Variants in PRKAR1B observed in about 807,000 individuals in gnomAD.
PRKAR1B encodes the protein protein kinase cAMP-dependent type I regulatory subunit beta, also known as cAMP-dependent protein kinase type I-beta regulatory subunit.
PRKAR1B carries 22 observed loss-of-function variants against 46.5 expected under a neutral mutation model. The observed-to-expected ratio is 0.47, with a 90% confidence interval of 0.34 to 0.68. PRKAR1B has a LOEUF of 0.68. Ranked by LOEUF, PRKAR1B falls within the 30% of genes least tolerant of loss-of-function variation. PRKAR1B has a pLI of 0.01. For missense variants in PRKAR1B, 445 were observed against 535.6 expected (o/e 0.83, Z 1.67); for synonymous variants, 259 against 217.7 (o/e 1.19, Z -1.67).
intron 9 of PRKAR1B, among the ~76,000 whole-genome samples, chr7:570,998 T>C (rs1257166078): frequency 6.6e-6 from 1 of 152,180 alleles, no homozygotes; most frequent in African/African-American, 2.4e-5. Context: ...AGGGCGTGTC[T>C]GCGGCCCACG....
chr7:620,562 C>A (rs796426902), intron 4 of PRKAR1B, among the ~76,000 whole-genome samples: 1 of 151,996 alleles, frequency 6.6e-6, no homozygotes, highest in African/African-American at 2.4e-5. Flanking sequence ...GGAAGGAATC[C>A]GTATTTTTAA....
intron 9 of PRKAR1B, among the ~76,000 whole-genome samples, chr7:557,443 A>G (rs1778516109): frequency 6.6e-6 from 1 of 152,192 alleles, no homozygotes; most frequent in African/African-American, 2.4e-5. Context: ...TCCCTAGCTG[A>G]TACACCACCC....
intron 4 of PRKAR1B, among the ~76,000 whole-genome samples, chr7:623,302 C>T (rs1285217931): frequency 2.6e-5 from 4 of 152,260 alleles, no homozygotes; most frequent in African/African-American, 9.6e-5. Context: ...CTCGGCCACA[C>T]TCTTGACTGT....
intron 2 of PRKAR1B, among the ~76,000 whole-genome samples, chr7:685,222 A>G (rs900092515): frequency 7.0e-6 from 1 of 143,640 alleles, no homozygotes; most frequent in Admixed American, 7.1e-5. Flanking sequence ...ATAACATGTT[A>G]TATATATATA....
chr7:681,914 C>T (rs934715392), intron 2 of PRKAR1B, among the ~76,000 whole-genome samples: 4 of 152,202 alleles, frequency 2.6e-5, no homozygotes, highest in Admixed American at 6.5e-5. Context: ...ACCTCCACCA[C>T]GCTCAAAGGT....
intron 4 of PRKAR1B, among the ~76,000 whole-genome samples, chr7:627,734 G>A (rs1337969924): frequency 5.9e-5 from 9 of 151,652 alleles, no homozygotes; most frequent in South Asian, 2.1e-4. Context: ...GCTCACGCCC[G>A]CCCTCCCCGG....
intron 4 of PRKAR1B, among the ~76,000 whole-genome samples, chr7:629,290 C>T (rs1481584529): frequency 1.6e-4 from 24 of 151,914 alleles, no homozygotes; most frequent in Non-Finnish European, 8.8e-5. Flanking sequence ...TCCCAGGGCG[C>T]CACCACCCCA....
At chr7:613,778 G>A (rs1351412721) in intron 4 of PRKAR1B, among the ~76,000 whole-genome samples, 2 of 152,142 alleles carry the variant, frequency 1.3e-5, no homozygotes, top group East Asian at 1.9e-4. Context: ...TCCTCCTCCC[G>A]CCGCTCCGGG....
At chr7:691,421 G>A (rs1287979236) in intron 2 of PRKAR1B, 3 of 1,139,522 alleles carry the variant, frequency 2.6e-6, no homozygotes, top group East Asian at 1.2e-4. Flanking sequence ...AGGGGTGCAG[G>A]AGGGTGGCTT....
chr7:594,527 G>A (rs1486329241), intron 7 of PRKAR1B, among the ~76,000 whole-genome samples: 1 of 152,176 alleles, frequency 6.6e-6, no homozygotes, highest in African/African-American at 2.4e-5. Flanking sequence ...ACAGAGTGGA[G>A]GGGTGCGGCC....
chr7:692,849 C>T lies in PRKAR1B; in HGVS notation c.178-12123G>A, dbSNP rs927369657. On this transcript the variant is annotated intron_variant, in intron 2 of 10. Transcript: ENST00000537384. ...ACAGGGAAGGGCAGGTTCTCAACCC[C>T]ATAGTAGGAAAACCTGGGGCTTCAT... 8.9e-4 allele frequency among the ~76,000 whole-genome samples: 135 copies of T among 152,026 alleles called. 1 individual carries two copies. The highest frequency in any genetic ancestry group is 2.9e-3 in the African/African-American group (122 of 41,376).
intron 2 of PRKAR1B, among the ~76,000 whole-genome samples, chr7:705,863 C>T (rs1386374146): frequency 6.6e-6 from 1 of 152,066 alleles, no homozygotes; most frequent in Non-Finnish European, 1.5e-5. Flanking sequence ...CCCGTCTCTA[C>T]TGAAAATATA....
chr7:632,185 G>A (rs1332424322), intron 4 of PRKAR1B, among the ~76,000 whole-genome samples: 1 of 152,178 alleles, frequency 6.6e-6, no homozygotes, highest in Non-Finnish European at 1.5e-5. Flanking sequence ...TTGTCTGTGT[G>A]AACCCTGTGT....
At chr7:584,425 G>T in intron 8 of PRKAR1B, 83 bp downstream of exon 8, 1 of 1,208,958 alleles carries the variant, frequency 8.3e-7, no homozygotes, top group Non-Finnish European at 1.2e-6. Flanking sequence ...TGCCAGCCAC[G>T]CAGGGAATGG....
intron 2 of PRKAR1B, chr7:691,723 CG>C: frequency 7.2e-6 from 9 of 1,247,138 alleles, no homozygotes; most frequent in Non-Finnish European, 9.3e-6. Context: ...GACAAAACCC[CG>C]GGGAGGGGAA....
At chr7:663,201 C>T (rs907553878) in intron 4 of PRKAR1B, among the ~76,000 whole-genome samples, 1 of 152,142 alleles carries the variant, frequency 6.6e-6, no homozygotes, top group Non-Finnish European at 1.5e-5. Context: ...GACAATAATC[C>T]ACTTTTTATT....
chr7:654,311 A>G (rs1377470011), intron 4 of PRKAR1B, among the ~76,000 whole-genome samples: 2 of 150,130 alleles, frequency 1.3e-5, no homozygotes, highest in Admixed American at 6.6e-5. Context: ...CTTTATCACC[A>G]TCATCACCAT....
chr7:708,462 A>C (rs981928067), intron 2 of PRKAR1B, among the ~76,000 whole-genome samples: 1 of 152,186 alleles, frequency 6.6e-6, no homozygotes, highest in Non-Finnish European at 1.5e-5. Flanking sequence ...CATGTAACCT[A>C]CACACATCCT....
At chr7:554,149 A>C (rs1353534664) in intron 9 of PRKAR1B, among the ~76,000 whole-genome samples, 1 of 152,214 alleles carries the variant, frequency 6.6e-6, no homozygotes, top group Non-Finnish European at 1.5e-5. Flanking sequence ...CAGATGGCGG[A>C]GGGTGAAACT....
Sources: allele counts gnomAD v4.1 joint callset (sites outside exome capture counted in the v4.1 genomes callset), GRCh38; gene constraint gnomAD v4.1.1; transcripts MANE v1.5; gene names NCBI Gene and HGNC (gene_info 2026-07-23, HGNC 2026-07-21).